The following SHPK variants were observed in gnomAD, a reference collection of about 807,000 sequenced individuals.
SHPK encodes the protein carbohydrate kinase-like protein.
A neutral mutation model predicts 46.3 loss-of-function variants in SHPK; 51 were observed. That is an observed-to-expected ratio of 1.10 (90% CI 0.88 to 1.39). The LOEUF (loss-of-function observed/expected upper bound fraction) is 1.39. Among genes scored for constraint, SHPK ranks in the 40% most tolerant of loss-of-function variants. The pLI is 0.00. For missense variants in SHPK, 668 were observed against 641.3 expected (o/e 1.04, Z -0.45); for synonymous variants, 290 against 273.9 (o/e 1.06, Z -0.58).
intron 2 of SHPK, among the ~76,000 whole-genome samples, chr17:3,626,826 C>T (rs553831000): frequency 6.6e-6 from 1 of 151,432 alleles, no homozygotes; most frequent in African/African-American, 2.4e-5. Context: ...ATCTGGGAGG[C>T]AGAGGTTGCA....
At chr17:3,623,074 G>A (rs1278711014) in intron 4 of SHPK, among the ~76,000 whole-genome samples, 2 of 152,232 alleles carry the variant, frequency 1.3e-5, no homozygotes, top group Non-Finnish European at 2.9e-5. Context: ...TGGTCACAGA[G>A]AAGGGAGAGC....
chr17:3,621,142 G>A (rs916565961), intron 5 of SHPK, 95 bp downstream of exon 5: 72 of 1,052,626 alleles, frequency 6.8e-5, no homozygotes, highest in Non-Finnish European at 9.3e-5. Flanking sequence ...TGCCAAGACT[G>A]CTAAGCTCTG....
intron 6 of SHPK, among the ~76,000 whole-genome samples, chr17:3,614,219 CT>C (rs2075358491): frequency 6.6e-6 from 1 of 152,194 alleles, no homozygotes; most frequent in Admixed American, 6.5e-5. Context: ...CCGCACCGTG[CT>C]TCTTTAAGAA....
intron 5 of SHPK, among the ~76,000 whole-genome samples, chr17:3,615,860 T>C (rs2075368858): frequency 6.7e-6 from 1 of 150,220 alleles, no homozygotes. Flanking sequence ...ATTTTTTTTT[T>C]TTTTTTTTTT....
At chr17:3,623,545 G>A (rs2075415370) in intron 3 of SHPK, 54 bp from the exon 4 acceptor site, 3 of 1,574,754 alleles carry the variant, frequency 1.9e-6, no homozygotes, top group African/African-American at 2.7e-5. Flanking sequence ...TCGGAAGCAT[G>A]TGCCGCACCT....
chr17:3,628,639 G>A (rs1414568443), intron 2 of SHPK, among the ~76,000 whole-genome samples: 5 of 151,652 alleles, frequency 3.3e-5, no homozygotes, highest in African/African-American at 1.2e-4. Flanking sequence ...TTCTTTTAAA[G>A]TTTGATTTGT....
intron 2 of SHPK, among the ~76,000 whole-genome samples, chr17:3,624,874 C>T (rs1201750248): frequency 2.6e-5 from 4 of 152,104 alleles, no homozygotes; most frequent in Non-Finnish European, 5.9e-5. Flanking sequence ...AGGCTGGTCT[C>T]GAACTCCTGA....
intron 2 of SHPK, among the ~76,000 whole-genome samples, chr17:3,624,576 C>G (rs1421337917): frequency 2.0e-5 from 3 of 152,186 alleles, no homozygotes; most frequent in Non-Finnish European, 4.4e-5. Context: ...ATGACATTAT[C>G]TAGGCTTACT....
At chr17:3,628,964 T>G (rs2150874282) in intron 2 of SHPK, among the ~76,000 whole-genome samples, 1 of 152,254 alleles carries the variant, frequency 6.6e-6, no homozygotes, top group South Asian at 2.1e-4. Flanking sequence ...TAAAAAGTTT[T>G]TTTAATGCCT....
chr17:3,624,203 GGTAATCCCTCCCTCT>G lies in SHPK; in HGVS notation c.324_338del (p.Glu109_Thr113del), dbSNP rs2075419639. On this transcript the variant is annotated inframe_deletion, in exon 3 of 7. Coordinates refer to ENST00000225519, the MANE Select transcript of SHPK (RefSeq NM_013276.4). ...TAACAGCTCGGGGCTCGAACACCGG[GGTAATCCCTCCCTCT>G]GTCCATTCACAGCCTGGAACAAAAG... The G allele has an allele frequency of 6.2e-7, 1 of 1,613,376 alleles. No individual in the cohort carries two copies. The highest frequency in any genetic ancestry group is 8.5e-7 in the Non-Finnish European group (1 of 1,179,516).
At chr17:3,617,736 CCT>C (rs1005934782) in intron 5 of SHPK, among the ~76,000 whole-genome samples, 8 of 152,074 alleles carry the variant, frequency 5.3e-5, no homozygotes, top group African/African-American at 1.7e-4. Flanking sequence ...AAGTTTCTGA[CCT>C]CTCTTTCTTT....
In SHPK at chr17:3,623,501, A is replaced by G; in HGVS notation, c.495-10T>C. 1 of 1,613,520 alleles carries G rather than the reference A, an allele frequency of 6.2e-7. No homozygotes were observed. The highest frequency in any genetic ancestry group is 8.5e-7 in the Non-Finnish European group (1 of 1,179,656). On this transcript the variant is annotated splice_polypyrimidine_tract_variant and intron_variant, in intron 3 of 6. Transcript: ENST00000225519. Reference sequence around the variant, plus strand: ...CTTCAGGAACTCTGGGCTGTTTTTCATACCAAAAACAACCAACACGGTATA... The same window carrying G: ...CTTCAGGAACTCTGGGCTGTTTTTCGTACCAAAAACAACCAACACGGTATA...
chr17:3,635,076 G>A (rs1217541386), intron 1 of SHPK, among the ~76,000 whole-genome samples: 2 of 151,912 alleles, frequency 1.3e-5, no homozygotes, highest in Non-Finnish European at 2.9e-5. Flanking sequence ...GGAGGCTGAA[G>A]CAGGAGAATC....
rs1408837118 is a variant in SHPK at position 3,609,390 on chromosome 17, C to T, written c.*1170G>A. The T allele has an allele frequency of 1.3e-5, 2 of 151,602 alleles. No individual in the cohort carries two copies. Among genetic ancestry groups the T allele is most frequent in the Non-Finnish European group, 2.9e-5 (2 of 67,966 alleles). The allele number at this position is 151,602 out of a possible 1,614,324, so 9.4% of individuals were successfully genotyped here. A position where few individuals can be genotyped will look rare whatever the true frequency, so the allele number is the denominator to read the frequency against. On this transcript the variant is annotated 3_prime_UTR_variant, in exon 7 of 7. Transcript: ENST00000225519. ...CAAACTCGTGGTTGCCAGCGTGACT[C>T]TGGGCCAGGCCTGCCTGAGCCTGGG...
chr17:3,615,579 C>T (rs778776482), intron 5 of SHPK, 42 bp from the exon 6 acceptor site: 10 of 1,576,726 alleles, frequency 6.3e-6, no homozygotes, highest in East Asian at 2.3e-5. Context: ...GTCGGGCTAA[C>T]TCAGAGGTCA....
At chr17:3,612,200 C>T (rs1481205517) in intron 6 of SHPK, among the ~76,000 whole-genome samples, 7 of 151,748 alleles carry the variant, frequency 4.6e-5, no homozygotes, top group African/African-American at 1.5e-4. Context: ...TCAAGACAGG[C>T]GGATCACTTG....
intron 1 of SHPK, among the ~76,000 whole-genome samples, chr17:3,632,190 C>T (rs192577553): frequency 3.3e-5 from 5 of 151,028 alleles, no homozygotes; most frequent in African/African-American, 9.7e-5. Context: ...CTCTTGACCT[C>T]GTGATTCGCC....
rs920826001 is a variant in SHPK, at chr17:3,615,886, G to A, written c.824-349C>T. ...TTTTTTTTTTTTGAGACAGAGTCTC[G>A]CTCTGTCACCCAGGCTGGAGTGCAA... On this transcript the variant is annotated intron_variant, in intron 5 of 6. Transcript: ENST00000225519. Among the ~76,000 whole-genome samples the A allele has an allele frequency of 2.9e-4, 40 of 139,204 alleles. 1 individual carries two copies. Among genetic ancestry groups the A allele is most frequent in the South Asian group, 2.0e-3 (9 of 4,516 alleles). 91.3% of individuals were successfully genotyped at this position (139,204 alleles called of 152,430 possible).
At chr17:3,618,200 G>T (rs564653063) in intron 5 of SHPK, among the ~76,000 whole-genome samples, 2 of 152,148 alleles carry the variant, frequency 1.3e-5, no homozygotes, top group East Asian at 3.9e-4. Context: ...TCTGCCTCCT[G>T]GATTCAAGCA....
Sources: allele counts gnomAD v4.1 joint callset (sites outside exome capture counted in the v4.1 genomes callset), GRCh38; gene constraint gnomAD v4.1.1; transcripts MANE v1.5; gene names NCBI Gene and HGNC (gene_info 2026-07-23, HGNC 2026-07-21).